Variants in ACOX3 observed in about 807,000 individuals in gnomAD.
ACOX3 encodes the protein acyl-CoA oxidase 3, pristanoyl.
In ACOX3, 73 loss-of-function variants were observed where a neutral mutation model predicts 81.5. That is an observed-to-expected ratio of 0.90 (90% CI 0.74 to 1.09). ACOX3 has a LOEUF of 1.09. Among genes scored for constraint, ACOX3 ranks in the 50% least tolerant of loss-of-function variants. The probability of loss-of-function intolerance (pLI) is 0.00; values close to 1 mark genes in which losing one functional copy is unlikely to be tolerated. For synonymous variants in ACOX3, 387 were observed against 375.1 expected, an observed-to-expected ratio of 1.03 and a Z score of -0.37; for missense variants, 947 against 928.0, an observed-to-expected ratio of 1.02 and a Z score of -0.27.
the ACOX3 span, among the ~76,000 whole-genome samples, chr4:8,359,641 G>A: frequency 1.3e-5 from 2 of 152,242 alleles, no homozygotes; most frequent in South Asian, 4.1e-4. This position sits in a 1 kb window ranked among gnomAD's most constrained non-coding sequence, Gnocchi z 6.0. Context: ...TCCTTAAACG[G>A]GGAAACTTGG....
chr4:8,414,000 CA>C (rs1460654918), intron 5 of ACOX3, among the ~76,000 whole-genome samples: 1 of 152,156 alleles, frequency 6.6e-6, no homozygotes, highest in Non-Finnish European at 1.5e-5. Flanking sequence ...GTAAACAAGG[CA>C]ATAAATTTTA....
At chr4:8,378,764 G>T (rs764467894) in intron 14 of ACOX3, among the ~76,000 whole-genome samples, 1 of 152,260 alleles carries the variant, frequency 6.6e-6, no homozygotes, top group Non-Finnish European at 1.5e-5. Flanking sequence ...GGCTTACAGT[G>T]GGTAAATGGT....
downstream of ACOX3, among the ~76,000 whole-genome samples, chr4:8,365,727 G>C (rs1361363231): frequency 3.3e-5 from 5 of 150,992 alleles, no homozygotes; most frequent in East Asian, 9.6e-4. Flanking sequence ...GATGCCCCTG[G>C]AGCCCCAGAC....
At chr4:8,360,790 C>T in the ACOX3 span, among the ~76,000 whole-genome samples, 9 of 152,108 alleles carry the variant, frequency 5.9e-5, no homozygotes, top group Non-Finnish European at 1.2e-4. Context: ...AAAAATTATT[C>T]AGTTTCCTAC....
In ACOX3 at chr4:8,419,587, C is replaced by G. The variant is rs1456334215; in HGVS notation, c.-14-3052G>C. 6.6e-6 allele frequency among the ~76,000 whole-genome samples: 1 copy of G among 152,144 alleles called. No individual in the cohort carries two copies. The highest frequency in any genetic ancestry group is 1.5e-5 in the Non-Finnish European group (1 of 68,032). Reference sequence around the variant, plus strand: ...TGTGGCAGTTCCACAAGTGATTAAACATGGAGTGACCACATGACTCAGCAA... The same window carrying G: ...TGTGGCAGTTCCACAAGTGATTAAAGATGGAGTGACCACATGACTCAGCAA... On this transcript the variant is annotated intron_variant, in intron 1 of 17. Coordinates refer to ENST00000356406, the MANE Select transcript of ACOX3 (RefSeq NM_003501.3). The surrounding 1 kb of genome is among the most constrained non-coding windows in gnomAD (Gnocchi z 4.2).
intron 1 of ACOX3, among the ~76,000 whole-genome samples, chr4:8,424,323 C>T (rs1161991535): frequency 6.6e-6 from 1 of 152,158 alleles, no homozygotes; most frequent in Non-Finnish European, 1.5e-5. Context: ...TAAAGAAGGC[C>T]CTAATCCAAG....
rs552181766 is a variant in ACOX3, at chr4:8,385,856, C to T, written c.1537+3317G>A. Among the ~76,000 whole-genome samples, 1 of 152,358 alleles carries T rather than the reference C, an allele frequency of 6.6e-6. No individual in the cohort carries two copies. Among genetic ancestry groups the T allele is most frequent in the African/African-American group, 2.4e-5 (1 of 41,586 alleles). ...GACCTGGGATCTGTGACCAAATGCC[C>T]TTGAGACGATGGGGCTGGCAGAACC... On this transcript the variant is annotated intron_variant, in intron 13 of 17. Coordinates refer to ENST00000356406, the MANE Select transcript of ACOX3 (RefSeq NM_003501.3). This position sits in a 1 kb window ranked among gnomAD's most constrained non-coding sequence, Gnocchi z 5.5.
the ACOX3 span, among the ~76,000 whole-genome samples, chr4:8,359,283 T>G: frequency 6.6e-6 from 1 of 152,154 alleles, no homozygotes; most frequent in African/African-American, 2.4e-5. This position sits in a 1 kb window ranked among gnomAD's most constrained non-coding sequence, Gnocchi z 6.0. Flanking sequence ...GTGGGGTACC[T>G]GGGTAAAGGA....
At chr4:8,401,097 C>T (rs1007325920) in intron 7 of ACOX3, among the ~76,000 whole-genome samples, 1 of 151,956 alleles carries the variant, frequency 6.6e-6, no homozygotes, top group Non-Finnish European at 1.5e-5. Flanking sequence ...CAGTAGGATT[C>T]ACGCTCCTAT....
intron 1 of ACOX3, chr4:8,438,885 C>T (rs1404976021): frequency 6.6e-6 from 1 of 152,178 alleles, no homozygotes; most frequent in African/African-American, 2.4e-5. Context: ...GAGACGAGAC[C>T]AAGCTGTTGC....
rs369008876 is a variant in ACOX3, at chr4:8,396,998, G to C, written c.995C>G (p.Thr332Ser). The stretch of plus-strand genomic sequence containing the variant: ...CTCTGTGGGTCCAAACTGACGCCGA[G>C]TGGCTGAGAAGCGAAGAGCGATGGC... ...AVAIALRFSA[T>S]RRQFGPTEEE... Residue 332 changes from threonine to serine, a missense_variant, in exon 9 of 18, where the codon ACT becomes AGT. Transcript: ENST00000356406. 4.3e-6 allele frequency: 7 copies of C among 1,612,022 alleles called. No homozygotes were observed. The highest frequency in any genetic ancestry group is 8.5e-7 in the Non-Finnish European group (1 of 1,179,250).
intron 16 of ACOX3, among the ~76,000 whole-genome samples, chr4:8,371,490 C>T (rs1297956341): frequency 6.6e-6 from 1 of 152,210 alleles, no homozygotes; most frequent in Non-Finnish European, 1.5e-5. Context: ...CAATATGACA[C>T]ATGAAATTTA....
intron 1 of ACOX3, among the ~76,000 whole-genome samples, chr4:8,428,971 G>A (rs1723782002): frequency 1.3e-5 from 2 of 152,300 alleles, no homozygotes; most frequent in Admixed American, 6.5e-5. Flanking sequence ...AGCCCCTAGT[G>A]GAAGTGGGCC....
rs570583210 is a variant in ACOX3, at chr4:8,379,779, TA to T, written c.1653+1712del. On this transcript the variant is annotated intron_variant, in intron 14 of 17. Transcript: ENST00000356406. ...ACTCTTTGGAGAATCTCTATTCCATTAAAAAAATGTTTTCTTTCTTTTCTGA... is the reference window on the plus strand; with the variant it reads ...ACTCTTTGGAGAATCTCTATTCCATTAAAAAATGTTTTCTTTCTTTTCTGA... 5.3e-5 allele frequency among the ~76,000 whole-genome samples: 8 copies of T among 152,296 alleles called. No homozygotes were observed. The East Asian group carries it at 1.5e-3, about 29-fold the overall frequency.
At chr4:8,367,729 G>A (rs1312999510) in intron 17 of ACOX3, among the ~76,000 whole-genome samples, 1 of 146,536 alleles carries the variant, frequency 6.8e-6, no homozygotes, top group African/African-American at 2.5e-5. Context: ...CTGCACTCTG[G>A]GAGGCTGAGG....
At chr4:8,391,535 A>C (rs2108865065) in intron 11 of ACOX3, among the ~76,000 whole-genome samples, 1 of 152,348 alleles carries the variant, frequency 6.6e-6, no homozygotes, top group Non-Finnish European at 1.5e-5. Context: ...GCACACGGGA[A>C]GTTTTGCAGG....
At chr4:8,411,571 A>T (rs1578959727) in intron 5 of ACOX3, among the ~76,000 whole-genome samples, 1 of 152,046 alleles carries the variant, frequency 6.6e-6, no homozygotes, top group South Asian at 2.1e-4. Context: ...TGATACCTCC[A>T]CCTGTCACTC....
chr4:8,394,583 T>A lies in ACOX3; in HGVS notation c.1179+37A>T. On this transcript the variant is annotated intron_variant, in intron 10 of 17. Coordinates refer to ENST00000356406, the MANE Select transcript of ACOX3 (RefSeq NM_003501.3). This position sits in a 1 kb window ranked among gnomAD's most constrained non-coding sequence, Gnocchi z 5.9. ...CTATGCTGCTCCAACCGTGTGAGAT[T>A]TAAACGATGCTGCTGAGGAAGCAGA... is the stretch of plus-strand genomic sequence containing the variant. 6.2e-7 allele frequency: 1 copy of A among 1,608,156 alleles called. No individual in the cohort carries two copies. Among genetic ancestry groups the A allele is most frequent in the African/African-American group, 1.3e-5 (1 of 74,950 alleles).
At chr4:8,408,926 T>A (rs1396629477) in intron 6 of ACOX3, among the ~76,000 whole-genome samples, 1 of 111,270 alleles carries the variant, frequency 9.0e-6, no homozygotes, top group Non-Finnish European at 1.7e-5. Flanking sequence ...GGGGGCGGTC[T>A]GAGGCTCACC....
Sources: allele counts gnomAD v4.1 joint callset (sites outside exome capture counted in the v4.1 genomes callset), GRCh38; gene constraint gnomAD v4.1.1; non-coding constraint Gnocchi (gnomAD v3.1); transcripts MANE v1.5; gene names NCBI Gene and HGNC (gene_info 2026-07-23, HGNC 2026-07-21).